PPFIA2: variants seen among roughly 807,000 people sequenced by gnomAD.
PPFIA2 encodes PPFI scaffold protein A2.
A neutral mutation model predicts 175.5 loss-of-function variants in PPFIA2; 46 were observed. That is an observed-to-expected ratio of 0.26 (90% CI 0.21 to 0.34). The LOEUF is 0.34. Among genes scored for constraint, PPFIA2 ranks in the 10% least tolerant of loss-of-function variants. PPFIA2 has a pLI of 1.00. For missense variants in PPFIA2, 1,179 were observed against 1,506.1 expected, an observed-to-expected ratio of 0.78 and a Z score of 3.60; for synonymous variants, 568 against 511.4, an observed-to-expected ratio of 1.11 and a Z score of -1.49.
chr12:81,608,329 C>A (rs2060540150), intron 4 of PPFIA2, among the ~76,000 whole-genome samples: 1 of 152,018 alleles, frequency 6.6e-6, no homozygotes, highest in Non-Finnish European at 1.5e-5. Flanking sequence ...AGGGAGGAGT[C>A]CCTCCACTTC....
At chr12:81,476,477 A>G (rs1318358362) in intron 4 of PPFIA2, among the ~76,000 whole-genome samples, 1 of 152,244 alleles carries the variant, frequency 6.6e-6, no homozygotes, top group East Asian at 1.9e-4. Context: ...TGTGAGACAC[A>G]TGATTAAATG....
intron 4 of PPFIA2, among the ~76,000 whole-genome samples, chr12:81,522,867 A>C (rs756196988): frequency 1.3e-5 from 2 of 152,186 alleles, no homozygotes; most frequent in African/African-American, 2.4e-5. Context: ...AGGTAGTGGT[A>C]GCTTCTGTAA....
At chr12:81,686,062 A>G (rs2074381496) in intron 3 of PPFIA2, among the ~76,000 whole-genome samples, 1 of 152,100 alleles carries the variant, frequency 6.6e-6, no homozygotes, top group African/African-American at 2.4e-5. Flanking sequence ...ATTTTTAACA[A>G]TGATGCTCTC....
intron 4 of PPFIA2, among the ~76,000 whole-genome samples, chr12:81,636,321 A>C (rs1482763323): frequency 7.1e-5 from 10 of 141,020 alleles, no homozygotes; most frequent in Non-Finnish European, 1.5e-4. Flanking sequence ...GCTGGAGTGC[A>C]GTGGCGGGAT....
chr12:81,452,052 A>G (rs1354073326), intron 5 of PPFIA2, among the ~76,000 whole-genome samples: 2 of 152,128 alleles, frequency 1.3e-5, no homozygotes, highest in Non-Finnish European at 2.9e-5. Context: ...TTTTCTTTAA[A>G]TGACCACAGG....
Position 81,688,700 on chromosome 12 carries a change from T to C in PPFIA2, c.250-11856A>G, listed in dbSNP as rs1374360153. Among the ~76,000 whole-genome samples the C allele has an allele frequency of 2.0e-5, 3 of 150,720 alleles. No individual in the cohort carries two copies. The East Asian group carries it at 5.8e-4, about 29-fold the overall frequency. The stretch of plus-strand genomic sequence containing the variant: ...CAACTGTTAATAACTGCAGTTCCTC[T>C]GACTGTGGTACCTTAAGGCAATTTA... On this transcript the variant is annotated intron_variant, in intron 3 of 32. Coordinates refer to ENST00000549396, the MANE Select transcript of PPFIA2 (RefSeq NM_003625.5).
chr12:81,598,612 C>A (rs2059493335), intron 4 of PPFIA2, among the ~76,000 whole-genome samples: 1 of 151,360 alleles, frequency 6.6e-6, no homozygotes, highest in Non-Finnish European at 1.5e-5. Flanking sequence ...GACTTTTCAA[C>A]AAGATGTGAT....
At chr12:81,680,467 G>GTGAACAGTTTCACCCTGGTACCCTGGTGA (rs2073402252) in intron 3 of PPFIA2, among the ~76,000 whole-genome samples, 4 of 151,846 alleles carry the variant, frequency 2.6e-5, no homozygotes, top group Non-Finnish European at 5.9e-5. Context: ...ACCAGTCCTA[G>GTGAACAGTTTCACCCTGGTACCCTGGTGA]TGAACAGTTT....
rs769237526 is a variant in PPFIA2, at chr12:81,325,793, G to C, written c.2626C>G (p.Arg876Gly). 2 of 1,611,826 alleles carry C rather than the reference G, an allele frequency of 1.2e-6. No individual in the cohort carries two copies. Among genetic ancestry groups the C allele is most frequent in the Non-Finnish European group, 1.7e-6 (2 of 1,178,482 alleles). The change falls in exon 22 of 33, where the codon CGA becomes GGA. Residue 876 changes from arginine (R) to glycine (G), a missense_variant. Arg to Gly is a moderately radical substitution (Grantham distance 125). Transcript: ENST00000549396. ...CAAACCTACTTTTTCTTTAGTCTTC[G>C]ATCCTTCTCAGCTTGAGTTCCGAGT... The part of the protein sequence containing the change: ...GKLGTQAEKD[R>G]RLKKKHELLE...
intron 7 of PPFIA2, among the ~76,000 whole-genome samples, chr12:81,416,668 T>C (rs969026675): frequency 1.3e-5 from 2 of 151,852 alleles, no homozygotes; most frequent in African/African-American, 2.4e-5. Context: ...TCTTGATTCA[T>C]ACTGGTTCCT....
At chr12:81,640,561 C>T (rs2064825142) in intron 4 of PPFIA2, among the ~76,000 whole-genome samples, 1 of 152,106 alleles carries the variant, frequency 6.6e-6, no homozygotes, top group South Asian at 2.1e-4. Flanking sequence ...ATATGGGGAT[C>T]TTTATCTATG....
At chr12:81,708,614 T>A (rs2077506676) in intron 3 of PPFIA2, among the ~76,000 whole-genome samples, 1 of 152,200 alleles carries the variant, frequency 6.6e-6, no homozygotes, top group African/African-American at 2.4e-5. Context: ...ATTGTTACTA[T>A]CTACTTTGTT....
chr12:81,645,293 A>T (rs1250144523), intron 4 of PPFIA2, among the ~76,000 whole-genome samples: 1 of 152,144 alleles, frequency 6.6e-6, no homozygotes, highest in Non-Finnish European at 1.5e-5. Context: ...CAAATATTAT[A>T]TTTCCTGACT....
chr12:81,645,501 T>A (rs2065935838), intron 4 of PPFIA2, among the ~76,000 whole-genome samples: 1 of 152,192 alleles, frequency 6.6e-6, no homozygotes, highest in South Asian at 2.1e-4. Context: ...TTATTTCTAC[T>A]TCGGATGTAA....
At chr12:81,480,489 C>T (rs1259795399) in intron 4 of PPFIA2, among the ~76,000 whole-genome samples, 1 of 152,096 alleles carries the variant, frequency 6.6e-6, no homozygotes, top group African/African-American at 2.4e-5. Context: ...GGAGAAGAGA[C>T]ATATTGGTTT....
intron 21 of PPFIA2, among the ~76,000 whole-genome samples, chr12:81,336,992 A>G (rs1052457346): frequency 2.6e-5 from 4 of 152,140 alleles, no homozygotes; most frequent in Non-Finnish European, 4.4e-5. Context: ...TTCCATGACA[A>G]CTTGGATACC....
intron 4 of PPFIA2, among the ~76,000 whole-genome samples, chr12:81,674,820 T>C (rs1160183025): frequency 6.6e-6 from 1 of 151,988 alleles, no homozygotes; most frequent in Non-Finnish European, 1.5e-5. Context: ...ATAATGGAAG[T>C]AACCCTAGAT....
At chr12:81,695,570 T>C (rs906048344) in intron 3 of PPFIA2, among the ~76,000 whole-genome samples, 1 of 151,452 alleles carries the variant, frequency 6.6e-6, no homozygotes, top group African/African-American at 2.4e-5. Flanking sequence ...CCAATTAAAC[T>C]TTTTTTCTTT....
At chr12:81,351,635 C>T (rs1184572720) in intron 17 of PPFIA2, among the ~76,000 whole-genome samples, 2 of 150,988 alleles carry the variant, frequency 1.3e-5, no homozygotes, top group African/African-American at 4.9e-5. Context: ...TGGTAGCTCA[C>T]ACTTGTAATT....
Sources: allele counts gnomAD v4.1 joint callset (sites outside exome capture counted in the v4.1 genomes callset), GRCh38; gene constraint gnomAD v4.1.1; transcripts MANE v1.5; gene names NCBI Gene and HGNC (gene_info 2026-07-23, HGNC 2026-07-21).